The following FBXW12 variants were observed in gnomAD, a reference collection of about 807,000 sequenced individuals.
The protein encoded by FBXW12 is F-box and WD repeat domain containing 12.
FBXW12 carries 43 observed loss-of-function variants against 55.3 expected under a neutral mutation model. That is an observed-to-expected ratio of 0.78 (90% CI 0.61 to 1.00). The LOEUF is 1.00. Among genes scored for constraint, FBXW12 ranks in the 50% least tolerant of loss-of-function variants. FBXW12 has a pLI of 0.00. For synonymous variants in FBXW12, 184 were observed against 203.8 expected, an observed-to-expected ratio of 0.90 and a Z score of 0.83; for missense variants, 524 against 560.5, an observed-to-expected ratio of 0.93 and a Z score of 0.66.
chr3:48,377,848 TA>T (rs1274693467), intron 5 of FBXW12, among the ~76,000 whole-genome samples: 14 of 152,328 alleles, frequency 9.2e-5, no homozygotes, highest in African/African-American at 3.4e-4. Context: ...TTTTAAAGGC[TA>T]AAGAATCATC....
At chr3:48,390,651 T>C (rs1346245505) in intron 10 of FBXW12, among the ~76,000 whole-genome samples, 1 of 151,692 alleles carries the variant, frequency 6.6e-6, no homozygotes, top group Non-Finnish European at 1.5e-5. Context: ...TGACCTCAAG[T>C]GATCCGCCTG....
At chr3:48,384,270 T>C (rs1055969864) in intron 10 of FBXW12, among the ~76,000 whole-genome samples, 2 of 152,212 alleles carry the variant, frequency 1.3e-5, no homozygotes, top group Non-Finnish European at 2.9e-5. Flanking sequence ...TTGTAAAATT[T>C]ATACCTAAAT....
rs2036613412 is a variant in FBXW12 at position 48,372,262 on chromosome 3, C to A, written c.-143C>A. On this transcript the variant is annotated 5_prime_UTR_variant, in exon 1 of 11. Transcript: ENST00000296438. Reference sequence around the variant, plus strand: ...AAAGTTAAATGCGAGAAGGTAGAAACCCAGAGGCCATGCTGGCGCTGAGAG... The same window carrying A: ...AAAGTTAAATGCGAGAAGGTAGAAAACCAGAGGCCATGCTGGCGCTGAGAG... 6.4e-7 allele frequency: 1 copy of A among 1,552,022 alleles called. No homozygotes were observed. The highest frequency in any genetic ancestry group is 8.7e-7 in the Non-Finnish European group (1 of 1,147,004).
chr3:48,394,529 T>C lies in FBXW12; in HGVS notation c.1296-31T>C, dbSNP rs770212550. On this transcript the variant is annotated intron_variant, in intron 10 of 10. Coordinates refer to ENST00000296438, the MANE Select transcript of FBXW12 (RefSeq NM_207102.2). ...ATGGATGTACCTACTTTCTCTTTTG[T>C]TCACTGATGATCTTATTTTTCCATT... is the stretch of plus-strand genomic sequence containing the variant. 9 of 1,279,308 alleles carry C rather than the reference T, an allele frequency of 7.0e-6. No homozygotes were observed. In the South Asian group the frequency reaches 1.1e-4, roughly 16 times the overall value. The allele number at this position is 1,279,308 out of a possible 1,614,324, so 79.2% of individuals were successfully genotyped here. A position where few individuals can be genotyped will look rare whatever the true frequency, so the allele number is the denominator to read the frequency against.
At chr3:48,389,653 G>A (rs373558909) in intron 10 of FBXW12, among the ~76,000 whole-genome samples, 11 of 152,172 alleles carry the variant, frequency 7.2e-5, no homozygotes, top group African/African-American at 2.7e-4. Context: ...TGGGATTACA[G>A]GTGTGAGCCA....
At chr3:48,385,415 T>C (rs1209635494) in intron 10 of FBXW12, among the ~76,000 whole-genome samples, 1 of 152,020 alleles carries the variant, frequency 6.6e-6, no homozygotes, top group Non-Finnish European at 1.5e-5. Flanking sequence ...CATTCATCCA[T>C]TGATATACAC....
intron 10 of FBXW12, among the ~76,000 whole-genome samples, chr3:48,386,382 T>G (rs2036848780): frequency 6.6e-6 from 1 of 152,232 alleles, no homozygotes; most frequent in African/African-American, 2.4e-5. Flanking sequence ...TCATGCTGTT[T>G]TGATAACTGT....
chr3:48,375,904 TGAC>T (rs1458708870), intron 5 of FBXW12, among the ~76,000 whole-genome samples: 2 of 151,130 alleles, frequency 1.3e-5, no homozygotes, highest in Non-Finnish European at 2.9e-5. Context: ...CTCGATCTCC[TGAC>T]CTTGTGATCC....
chr3:48,394,076 C>T (rs916330010), intron 10 of FBXW12, among the ~76,000 whole-genome samples: 1 of 151,950 alleles, frequency 6.6e-6, no homozygotes, highest in Admixed American at 6.6e-5. Flanking sequence ...CGTGCCTGGC[C>T]TACAAGATAA....
chr3:48,385,858 C>T (rs1427188107), intron 10 of FBXW12, among the ~76,000 whole-genome samples: 1 of 152,116 alleles, frequency 6.6e-6, no homozygotes, highest in Admixed American at 6.5e-5. Context: ...AACCTTTGCC[C>T]ATTTTAATAT....
In FBXW12 at chr3:48,373,664, C is replaced by G. The variant is rs140137187; in HGVS notation, c.245C>G (p.Ala82Gly). 1.2e-3 allele frequency: 1,887 copies of G among 1,614,194 alleles called. 3 individuals carry two copies. Among genetic ancestry groups the G allele is most frequent in the Non-Finnish European group, 1.4e-3 (1,637 of 1,180,026 alleles). The change falls in exon 4 of 11, where the codon GCA becomes GGA. Residue 82 changes from alanine to glycine, a missense_variant. By Grantham distance (60) the Ala-to-Gly change is moderately conservative. Coordinates refer to ENST00000296438, the MANE Select transcript of FBXW12 (RefSeq NM_207102.2). ...AGGAAGGAGCTTCGGTTGGCATTGGCACAGCCGCATAACTTTATCTACAAA... is the reference window on the plus strand; with the variant it reads ...AGGAAGGAGCTTCGGTTGGCATTGGGACAGCCGCATAACTTTATCTACAAA... ...QRRKELRLAL[A>G]QPHNFIYKVT...
chr3:48,372,982 G>T, intron 2 of FBXW12, 125 bp downstream of exon 2: 1 of 936,770 alleles, frequency 1.1e-6, no homozygotes. Context: ...TTCATACTGA[G>T]GGCCTCATAT....
rs754590831 is a variant in FBXW12, at chr3:48,372,791, A to G, written c.24A>G (p.Leu8=). 1.9e-6 allele frequency: 3 copies of G among 1,614,232 alleles called. No homozygotes were observed. Among genetic ancestry groups the G allele is most frequent in the Non-Finnish European group, 2.5e-6 (3 of 1,180,028 alleles). Residue 8 remains leucine (L), a synonymous_variant, in exon 2 of 11, where the codon TTA becomes TTG. Coordinates refer to ENST00000296438, the MANE Select transcript of FBXW12 (RefSeq NM_207102.2). ...AAATGGAGATCCGATTGCCTGACTTAGCTTTGAAGCGAATCTTCTCTTTCC... is the reference window on the plus strand; with the variant it reads ...AAATGGAGATCCGATTGCCTGACTTGGCTTTGAAGCGAATCTTCTCTTTCC... MEIRLPD[L]ALKRIFSFLD...
intron 10 of FBXW12, among the ~76,000 whole-genome samples, chr3:48,383,296 T>C (rs1274444403): frequency 6.6e-6 from 1 of 152,218 alleles, no homozygotes; most frequent in Non-Finnish European, 1.5e-5. Context: ...TACATTTGAA[T>C]GGATGTATAG....
chr3:48,391,850 G>A (rs1213820804), intron 10 of FBXW12, among the ~76,000 whole-genome samples: 1 of 152,116 alleles, frequency 6.6e-6, no homozygotes, highest in Non-Finnish European at 1.5e-5. Flanking sequence ...CTTGATCATG[G>A]TGAATTAGCT....
At position 48,377,790 on chromosome 3, in the gene FBXW12, A is replaced by G. The variant is rs188258287; in HGVS notation, c.406-527A>G. ...GGTACATTGGTAATCACTTGTGATA[A>G]TTTATTAAACTTCGTGCTCTTTTCT... On this transcript the variant is annotated intron_variant, in intron 5 of 10. Transcript: ENST00000296438. Among the ~76,000 whole-genome samples, 12 of 152,344 alleles carry G rather than the reference A, an allele frequency of 7.9e-5. No homozygotes were observed. In the East Asian group the frequency reaches 2.1e-3, roughly 27 times the overall value.
At chr3:48,392,450 C>CAAAAAAAA (rs33965777) in intron 10 of FBXW12, among the ~76,000 whole-genome samples, 1 of 72,660 alleles carries the variant, frequency 1.4e-5, no homozygotes, top group Non-Finnish European at 2.5e-5. Context: ...CACTCAGTCT[C>CAAAAAAAA]AAAAAAAAAA....
At chr3:48,372,645 T>A in intron 1 of FBXW12, 39 bp from the exon 2 acceptor site, 1 of 1,581,978 alleles carries the variant, frequency 6.3e-7, no homozygotes, top group East Asian at 2.2e-5. Flanking sequence ...AGCTTGTTTC[T>A]ACCGCACACA....
rs572284851 is a variant in FBXW12, at chr3:48,384,560, C to T, written c.1295+2475C>T. Among the ~76,000 whole-genome samples, 77 of 152,270 alleles carry T rather than the reference C, an allele frequency of 5.1e-4. 1 individual carries two copies. The South Asian group carries it at 0.013, about 26-fold the overall frequency. On this transcript the variant is annotated intron_variant, in intron 10 of 10. Coordinates refer to ENST00000296438, the MANE Select transcript of FBXW12 (RefSeq NM_207102.2). ...GCATTGGCTATAACCTCCTGTGTGG[C>T]ACTGGAGTGGAGAGCCGACATCCTT...
Sources: allele counts gnomAD v4.1 joint callset (sites outside exome capture counted in the v4.1 genomes callset), GRCh38; gene constraint gnomAD v4.1.1; transcripts MANE v1.5; gene names NCBI Gene and HGNC (gene_info 2026-07-23, HGNC 2026-07-21).